Variants in AKAP4 observed in about 807,000 individuals in gnomAD.
The protein encoded by AKAP4 is A-kinase anchor protein 4.
Under a neutral mutation model 42.6 loss-of-function variants are expected in AKAP4, and 4 were observed. The observed-to-expected ratio is 0.09, with a 90% CI of 0.05 to 0.22. AKAP4 has a LOEUF of 0.22. Ranked by LOEUF, AKAP4 falls within the 10% of genes least tolerant of loss-of-function variation. The pLI, the probability that AKAP4 is intolerant of heterozygous loss-of-function variation, is 1.00. For synonymous variants in AKAP4, 223 were observed against 233.0 expected (o/e 0.96, Z 0.39); for missense variants, 551 against 630.7 (o/e 0.87, Z 1.35).
At chrX:50,192,179 T>C in intron 5 of AKAP4, 125 bp downstream of exon 5, 1 of 632,718 alleles carries the variant, frequency 1.6e-6, no homozygotes, top group Non-Finnish European at 2.3e-6. Flanking sequence ...GAGGTGAAAG[T>C]AATTCATGAA....
intron 1 of AKAP4, 65 bp downstream of exon 1, chrX:50,200,798 C>G: frequency 9.4e-7 from 1 of 1,060,585 alleles, no homozygotes; most frequent in Non-Finnish European, 1.3e-6. Flanking sequence ...TCAGCAGCTT[C>G]TGTAGTTTCA....
rs781891685 is a variant in AKAP4 at position 50,192,913 on chromosome X, T to C, written c.1800A>G (p.Gln600=). Reference sequence around the variant, plus strand: ...GTCCAGGGGCTCTGTGAGATTCTAGTTGTTTCACTGAAAGTGCTTTGGCAC... The same window carrying C: ...GTCCAGGGGCTCTGTGAGATTCTAGCTGTTTCACTGAAAGTGCTTTGGCAC... ...GQSAKALSVK[Q]LESHRAPGPS... The change falls in exon 5 of 6, where the codon CAA becomes CAG. Residue 600 remains glutamine (Q), a synonymous_variant. Coordinates refer to ENST00000358526, the MANE Select transcript of AKAP4 (RefSeq NM_003886.3). The C allele has an allele frequency of 8.3e-7, 1 of 1,212,012 alleles. No individual in the cohort carries two copies.
At chrX:50,198,631 T>C in intron 2 of AKAP4, 26 bp downstream of exon 2, 1 of 1,161,683 alleles carries the variant, frequency 8.6e-7, no homozygotes, top group Non-Finnish European at 1.2e-6. Flanking sequence ...TTCCTACTCC[T>C]CGGCATGAGT....
At position 50,196,614 on chromosome X, in the gene AKAP4, G is replaced by T. The variant is rs1935194687; in HGVS notation, c.276+277C>A. Among the ~76,000 whole-genome samples, 3 of 111,565 alleles carry T rather than the reference G, an allele frequency of 2.7e-5. No individual in the cohort carries two copies. In the Admixed American group the frequency reaches 2.8e-4, roughly 11 times the overall value. ...CACAAGTCCATTACCAGCCAGCGAAGAACATTACAAATAGTCTTGTGTGAT... is the reference window on the plus strand; with the variant it reads ...CACAAGTCCATTACCAGCCAGCGAATAACATTACAAATAGTCTTGTGTGAT... On this transcript the variant is annotated intron_variant, in intron 4 of 5. Coordinates refer to ENST00000358526, the MANE Select transcript of AKAP4 (RefSeq NM_003886.3).
chrX:50,191,191 C>T, intron 5 of AKAP4, 76 bp from the exon 6 acceptor site: 3 of 1,122,794 alleles, frequency 2.7e-6, no homozygotes, highest in Non-Finnish European at 3.6e-6. Context: ...AGTTCTACCA[C>T]CCAACCCCCT....
chrX:50,192,229 G>A (rs1215947842), intron 5 of AKAP4, 75 bp downstream of exon 5: 4 of 869,027 alleles, frequency 4.6e-6, no homozygotes, highest in Non-Finnish European at 6.3e-6. Context: ...GAATGATCTT[G>A]GGCTCTAAGT....
Position 50,197,544 on chromosome X carries a change from C to T in AKAP4, c.174G>A (p.Lys58=). 8.3e-7 allele frequency: 1 copy of T among 1,204,045 alleles called. No homozygotes were observed. Among genetic ancestry groups the T allele is most frequent in the Non-Finnish European group, 1.1e-6 (1 of 889,934 alleles). The change falls in exon 3 of 6, where the codon AAG becomes AAA. Residue 58 remains lysine (K), a splice_region_variant and synonymous_variant. Coordinates refer to ENST00000358526, the MANE Select transcript of AKAP4 (RefSeq NM_003886.3). ...STLNVEDKDY[K]DAASSSSEGN... ...CTGACTCTGAGCAGAGAATACGCAC[C>T]TTGTAATCTTTATCTTCTACATTCA...
Position 50,192,762 on chromosome X carries a change from C to T in AKAP4, c.1951G>A (p.Gly651Ser), listed in dbSNP as rs1602165999. 2 of 1,211,916 alleles carry T rather than the reference C, an allele frequency of 1.7e-6. No individual in the cohort carries two copies. The highest frequency in any genetic ancestry group is 5.9e-5 in the East Asian group (2 of 33,850). ...NPFKCEDPCE[G>S]ENKCSEPRAS... ...CTGGGCTCAGAACACTTGTTCTCAC[C>T]TTCGCATGGATCCTCACATTTGAAG... is the stretch of plus-strand genomic sequence containing the variant. Residue 651 changes from glycine (G) to serine (S), a missense_variant, in exon 5 of 6, where the codon GGT becomes AGT. Gly to Ser is a moderately conservative substitution (Grantham distance 56). Coordinates refer to ENST00000358526, the MANE Select transcript of AKAP4 (RefSeq NM_003886.3).
intron 5 of AKAP4, 99 bp downstream of exon 5, chrX:50,192,205 T>C: frequency 1.3e-6 from 1 of 773,910 alleles, no homozygotes; most frequent in Non-Finnish European, 1.8e-6. Context: ...CGGTAAAGAA[T>C]AGACTTGAAA....
chrX:50,191,173 C>A, intron 5 of AKAP4, 58 bp from the exon 6 acceptor site: 1 of 1,173,411 alleles, frequency 8.5e-7, no homozygotes, highest in Non-Finnish European at 1.1e-6. Context: ...GAAAGACCTG[C>A]TGGACGAAGT....
rs782277880 is a variant in AKAP4, at chrX:50,193,751, T to G, written c.962A>C (p.Glu321Ala). The change falls in exon 5 of 6, where the codon GAG (glutamate) becomes GCG (alanine). Residue 321 changes from glutamate (E) to alanine (A), a missense_variant. Transcript: ENST00000358526. The stretch of plus-strand genomic sequence containing the variant: ...GATGGAATCTGCAAATTCTTTGCTC[T>G]CTCTCTGGGACATCTGTTTGTCTCC... ...KSGDKQMSQR[E>A]SKEFADSISK... 7.4e-6 allele frequency: 9 copies of G among 1,208,210 alleles called. No individual in the cohort carries two copies. The highest frequency in any genetic ancestry group is 1.0e-5 in the Non-Finnish European group (9 of 894,351).
At chrX:50,196,819 G>A in intron 4 of AKAP4, 72 bp downstream of exon 4, 1 of 764,825 alleles carries the variant, frequency 1.3e-6, no homozygotes. Flanking sequence ...TACCATGTCT[G>A]ATCCAGAGTC....
At chrX:50,195,534 GCATGTAATGTGTGTGAATGTATGTT>G (rs1228575534) in intron 4 of AKAP4, among the ~76,000 whole-genome samples, 2 of 111,846 alleles carry the variant, frequency 1.8e-5, no homozygotes, top group African/African-American at 6.5e-5. Context: ...CAAGTCTTAT[GCATGTAATGTGTGTGAATGTATGTT>G]CATGCATTGT....
In AKAP4 at chrX:50,192,978, C is replaced by T; in HGVS notation, c.1735G>A (p.Ala579Thr). ...DCPGSTMGYM[A>T]QSTQYEKCGG... ...CACTTTTCATATTGAGTACTCTGAG[C>T]CATATAGCCCATGGTGGAACCAGGA... Residue 579 changes from alanine to threonine, a missense_variant, in exon 5 of 6, where the codon GCT becomes ACT. Coordinates refer to ENST00000358526, the MANE Select transcript of AKAP4 (RefSeq NM_003886.3). 1 of 1,211,498 alleles carries T rather than the reference C, an allele frequency of 8.3e-7. No individual in the cohort carries two copies. The highest frequency in any genetic ancestry group is 1.1e-6 in the Non-Finnish European group (1 of 895,457).
Position 50,193,492 on chromosome X carries a change from G to T in AKAP4, c.1221C>A (p.Val407=), listed in dbSNP as rs200304966. 35 of 1,210,100 alleles carry T rather than the reference G, an allele frequency of 2.9e-5. No homozygotes were observed. Among genetic ancestry groups the T allele is most frequent in the Non-Finnish European group, 1.2e-5 (11 of 895,311 alleles). The change falls in exon 5 of 6, where the codon GTC becomes GTA. Residue 407 remains valine (V), a synonymous_variant. Transcript: ENST00000358526. ...LMTDSDFVSA[V]KRNLFNQWKQ... ...TCCACTGGTTGAACAGATTTCTCTTGACAGCTGAGACAAAGTCTGAGTCAG... is the reference window on the plus strand; with the variant it reads ...TCCACTGGTTGAACAGATTTCTCTTTACAGCTGAGACAAAGTCTGAGTCAG...
rs998778865 is a variant in AKAP4, at chrX:50,193,367, G to A, written c.1346C>T (p.Ala449Val). The A allele has an allele frequency of 8.3e-7, 1 of 1,209,590 alleles. No individual in the cohort carries two copies. The highest frequency in any genetic ancestry group is 1.8e-5 in the African/African-American group (1 of 57,102). The change falls in exon 5 of 6, where the codon GCA becomes GTA. Residue 449 changes from alanine (A) to valine (V), a missense_variant. Ala to Val is a moderately conservative substitution (Grantham distance 64). Transcript: ENST00000358526. ...ATCATGGGACCCAGCTTTTAAAGAT[G>A]CATATGACAGACTCTGAGACTTAGT... ...KETKSQSLSY[A>V]SLKAGSHDPK...
intron 4 of AKAP4, among the ~76,000 whole-genome samples, chrX:50,195,147 T>A (rs782254098): frequency 1.8e-5 from 2 of 112,427 alleles, no homozygotes; most frequent in East Asian, 2.8e-4. Flanking sequence ...GATACAATTT[T>A]AATATATTAA....
chrX:50,194,233 G>T lies in AKAP4; in HGVS notation c.480C>A (p.Ala160=). 1.7e-6 allele frequency: 2 copies of T among 1,210,390 alleles called. No homozygotes were observed. The highest frequency in any genetic ancestry group is 2.2e-6 in the Non-Finnish European group (2 of 894,862). The change falls in exon 5 of 6, where the codon GCC becomes GCA. Residue 160 remains alanine (A), a synonymous_variant. Transcript: ENST00000358526. The part of the protein sequence containing the change: ...ASSENCYSVY[A]DQVNIDYLMN... ...TCAAATAATCTATGTTCACTTGATC[G>T]GCATAGACACTGTAGCAGTTCTCAG...
intron 3 of AKAP4, 73 bp downstream of exon 3, chrX:50,197,471 A>G (rs1935205262): frequency 2.1e-6 from 2 of 945,103 alleles, no homozygotes; most frequent in South Asian, 5.0e-5. Flanking sequence ...AACATTTTCC[A>G]TTCTTCATAC....
Sources: allele counts gnomAD v4.1 joint callset (sites outside exome capture counted in the v4.1 genomes callset), GRCh38; gene constraint gnomAD v4.1.1; transcripts MANE v1.5; gene names NCBI Gene and HGNC (gene_info 2026-07-23, HGNC 2026-07-21).